Variants in PTPRG observed in about 807,000 individuals in gnomAD.
PTPRG encodes the protein protein tyrosine phosphatase receptor type G, also known as receptor-type tyrosine-protein phosphatase gamma.
A neutral mutation model predicts 165.3 loss-of-function variants in PTPRG; 102 were observed. That is an observed-to-expected ratio of 0.62 (90% CI 0.53 to 0.73). The LOEUF (loss-of-function observed/expected upper bound fraction) is 0.73. Ranked by LOEUF, PTPRG falls within the 30% of genes least tolerant of loss-of-function variation. PTPRG has a pLI of 0.00. For synonymous variants in PTPRG, 675 were observed against 669.5 expected, an observed-to-expected ratio of 1.01 and a Z score of -0.13; for missense variants, 1,866 against 1,861.4, an observed-to-expected ratio of 1.00 and a Z score of -0.05.
At position 62,297,120 on chromosome 3, in the gene PTPRG, C is replaced by T. The variant is rs1703087851; in HGVS notation, c.*3813C>T. 1 of 152,086 alleles carries T rather than the reference C, an allele frequency of 6.6e-6. No homozygotes were observed. The highest frequency in any genetic ancestry group is 6.6e-5 in the Admixed American group (1 of 15,256). The allele number at this position is 152,086 out of a possible 1,614,324, so 9.4% of individuals were successfully genotyped here. A position where few individuals can be genotyped will look rare whatever the true frequency, so the allele number is the denominator to read the frequency against. On this transcript the variant is annotated 3_prime_UTR_variant, in exon 30 of 30. Coordinates refer to ENST00000474889, the MANE Select transcript of PTPRG (RefSeq NM_002841.4). ...CATTAAAACTGTAAATATTTTGTTG[C>T]TTGGGTAAGCATCTTCTGGGAACTT...
intron 1 of PTPRG, among the ~76,000 whole-genome samples, chr3:61,617,760 C>T (rs546279559): frequency 2.0e-5 from 3 of 151,952 alleles, no homozygotes; most frequent in Admixed American, 6.5e-5. Flanking sequence ...GATACGAAAA[C>T]GGTCTCTTTA....
At chr3:61,957,728 G>T (rs1201862466) in intron 2 of PTPRG, among the ~76,000 whole-genome samples, 1 of 152,180 alleles carries the variant, frequency 6.6e-6, no homozygotes. Context: ...ATTTCATCTT[G>T]TGTCTTACAG....
At chr3:62,025,370 C>T (rs566734751) in intron 4 of PTPRG, among the ~76,000 whole-genome samples, 1 of 152,248 alleles carries the variant, frequency 6.6e-6, no homozygotes, top group South Asian at 2.1e-4. Context: ...TCTGAGAGAG[C>T]TTAGTGTTTG....
At chr3:61,802,116 A>G (rs1453141153) in intron 2 of PTPRG, among the ~76,000 whole-genome samples, 3 of 152,144 alleles carry the variant, frequency 2.0e-5, no homozygotes, top group Non-Finnish European at 2.9e-5. Context: ...CTTAGCACCA[A>G]GATACATGCT....
At chr3:61,940,915 C>T (rs9839083) in intron 2 of PTPRG, among the ~76,000 whole-genome samples, 11,607 of 152,092 alleles carry the variant, frequency 0.076, 919 homozygotes, top group East Asian at 0.44. Context: ...CCGCCCGCCT[C>T]GGCCTCCCAA....
At chr3:61,607,427 C>T (rs897928009) in intron 1 of PTPRG, among the ~76,000 whole-genome samples, 5 of 151,742 alleles carry the variant, frequency 3.3e-5, no homozygotes, top group Non-Finnish European at 1.5e-5. Context: ...TGCCTGGGGC[C>T]AAAACACTTA....
intron 3 of PTPRG, among the ~76,000 whole-genome samples, chr3:61,994,697 A>C (rs2040978113): frequency 6.6e-6 from 1 of 152,222 alleles, no homozygotes; most frequent in Non-Finnish European, 1.5e-5. Flanking sequence ...ACACAGAGGC[A>C]AGCTAAATAA....
chr3:62,240,061 A>G lies in PTPRG; in HGVS notation c.2376-3746A>G, dbSNP rs964233514. ...CCAATAGATAGTTATTAAAGGAATA[A>G]ATTAAATACCAGCATTGTAATGCCT... On this transcript the variant is annotated intron_variant, in intron 14 of 29. Coordinates refer to ENST00000474889, the MANE Select transcript of PTPRG (RefSeq NM_002841.4). This position sits in a 1 kb window ranked among gnomAD's most constrained non-coding sequence, Gnocchi z 5.1. 2.6e-5 allele frequency among the ~76,000 whole-genome samples: 4 copies of G among 152,184 alleles called. No homozygotes were observed. The highest frequency in any genetic ancestry group is 9.7e-5 in the African/African-American group (4 of 41,434).
chr3:61,834,770 G>T (rs7635550), intron 2 of PTPRG, among the ~76,000 whole-genome samples: 36,537 of 152,018 alleles, frequency 0.24, 4,570 homozygotes, highest in East Asian at 0.29. Context: ...CTGAGATCGT[G>T]CCACTGCACT....
intron 2 of PTPRG, among the ~76,000 whole-genome samples, chr3:61,939,060 C>T (rs2039548267): frequency 6.6e-6 from 1 of 152,176 alleles, no homozygotes; most frequent in South Asian, 2.1e-4. Context: ...TACTGCAGCA[C>T]CTGGGAAAAC....
At chr3:61,635,349 T>A (rs923943014) in intron 1 of PTPRG, among the ~76,000 whole-genome samples, 4 of 148,194 alleles carry the variant, frequency 2.7e-5, no homozygotes, top group African/African-American at 9.8e-5. Flanking sequence ...ATATATATTA[T>A]ATATATAAAT....
chr3:62,010,317 C>T (rs894384300), intron 4 of PTPRG, among the ~76,000 whole-genome samples: 3 of 151,854 alleles, frequency 2.0e-5, no homozygotes, highest in Non-Finnish European at 4.4e-5. Flanking sequence ...ATCTGTTTAC[C>T]TTTGTTTAAC....
At chr3:62,021,560 A>G (rs1006412641) in intron 4 of PTPRG, among the ~76,000 whole-genome samples, 1 of 152,236 alleles carries the variant, frequency 6.6e-6, no homozygotes, top group Non-Finnish European at 1.5e-5. Flanking sequence ...CTTATGGGCT[A>G]GAATTAGTGA....
chr3:62,272,454 T>C (rs1187547269), intron 21 of PTPRG, among the ~76,000 whole-genome samples: 1 of 152,240 alleles, frequency 6.6e-6, no homozygotes, highest in Non-Finnish European at 1.5e-5. Flanking sequence ...GCCTCTTTTT[T>C]GTTTGTTTTA....
At chr3:62,118,458 C>G (rs1435460962) in intron 5 of PTPRG, 6 of 152,138 alleles carry the variant, frequency 3.9e-5, no homozygotes, top group Admixed American at 3.9e-4. Flanking sequence ...TTGTGTTTAA[C>G]CAGTTAAGAG....
chr3:61,944,808 A>G (rs2039716202), intron 2 of PTPRG, among the ~76,000 whole-genome samples: 2 of 152,196 alleles, frequency 1.3e-5, no homozygotes, highest in African/African-American at 4.8e-5. Flanking sequence ...ATTTGTCTGT[A>G]TAATTTTAGT....
At chr3:61,902,154 C>G (rs1223553759) in intron 2 of PTPRG, among the ~76,000 whole-genome samples, 2 of 152,182 alleles carry the variant, frequency 1.3e-5, no homozygotes, top group Non-Finnish European at 2.9e-5. Flanking sequence ...GACTGTTAGC[C>G]TGCTCTGGGG....
chr3:61,643,355 C>A (rs535194640), intron 1 of PTPRG, among the ~76,000 whole-genome samples: 84 of 152,210 alleles, frequency 5.5e-4, no homozygotes, highest in African/African-American at 2.0e-3. Context: ...TTATTTAGAT[C>A]CCAATTCAAA....
At chr3:61,612,082 A>G (rs1251357183) in intron 1 of PTPRG, among the ~76,000 whole-genome samples, 1 of 152,126 alleles carries the variant, frequency 6.6e-6, no homozygotes, top group Admixed American at 6.5e-5. Context: ...GGCTGGGACA[A>G]CAGGCGCCTG....
Sources: allele counts gnomAD v4.1 joint callset (sites outside exome capture counted in the v4.1 genomes callset), GRCh38; gene constraint gnomAD v4.1.1; non-coding constraint Gnocchi (gnomAD v3.1); transcripts MANE v1.5; gene names NCBI Gene and HGNC (gene_info 2026-07-23, HGNC 2026-07-21).